Variants in SORBS3 observed in about 807,000 individuals in gnomAD.
SORBS3 encodes sorbin and SH3 domain containing 3, also known as vinexin.
In SORBS3, 69 loss-of-function variants were observed where a neutral mutation model predicts 98.0. The ratio of observed to expected loss-of-function variants is 0.70; its 90% confidence interval spans 0.58 to 0.86. SORBS3 has a LOEUF of 0.86. Among genes scored for constraint, SORBS3 ranks in the 40% least tolerant of loss-of-function variants. The pLI is 0.00. For synonymous variants in SORBS3, 394 were observed against 355.4 expected, an observed-to-expected ratio of 1.11 and a Z score of -1.22; for missense variants, 954 against 908.5, an observed-to-expected ratio of 1.05 and a Z score of -0.64.
At chr8:22,574,184 C>T (rs1840666822) in intron 20 of SORBS3, among the ~76,000 whole-genome samples, 1 of 152,194 alleles carries the variant, frequency 6.6e-6, no homozygotes, top group African/African-American at 2.4e-5. Context: ...CCCCCCTCCT[C>T]CTCTTCAAGA....
chr8:22,569,487 G>A (rs1410171633), intron 17 of SORBS3, among the ~76,000 whole-genome samples: 2 of 151,988 alleles, frequency 1.3e-5, no homozygotes, highest in African/African-American at 2.4e-5. Context: ...CTACAGGCAC[G>A]CGCCACAACA....
At chr8:22,573,649 AG>A (rs1840647485) in intron 20 of SORBS3, among the ~76,000 whole-genome samples, 2 of 111,176 alleles carry the variant, frequency 1.8e-5, no homozygotes, top group African/African-American at 7.0e-5. Context: ...GAGGAAAGGG[AG>A]GTACTCGGGG....
intron 5 of SORBS3, 113 bp downstream of exon 5, chr8:22,558,305 T>C: frequency 1.0e-6 from 1 of 978,750 alleles, no homozygotes; most frequent in South Asian, 1.3e-5. Flanking sequence ...CTTCTCCACC[T>C]TCTCCCAGGC....
rs73672757 is a variant in SORBS3 at position 22,552,486 on chromosome 8, G to A, written c.-56+464G>A. ...CTCCTGACCTGGCTGCCAAGAGAAG[G>A]ACTCGGACCACCCTTCCCTGGAGGT... On this transcript the variant is annotated intron_variant, in intron 1 of 20. Coordinates refer to ENST00000240123, the MANE Select transcript of SORBS3 (RefSeq NM_005775.5). 5.9e-3 allele frequency among the ~76,000 whole-genome samples: 903 copies of A among 152,312 alleles called. 13 individuals are homozygous for A. The highest frequency in any genetic ancestry group is 0.02 in the African/African-American group (844 of 41,570).
chr8:22,554,705 G>A lies in SORBS3; in HGVS notation c.102+97G>A, dbSNP rs1175746642. The A allele has an allele frequency of 1.4e-6, 2 of 1,433,768 alleles. No homozygotes were observed. Among genetic ancestry groups the A allele is most frequent in the African/African-American group, 1.4e-5 (1 of 71,192 alleles). 88.8% of individuals were successfully genotyped at this position (1,433,768 alleles called of 1,614,324 possible). A position where few individuals can be genotyped will look rare whatever the true frequency, so the allele number is the denominator to read the frequency against. ...GGGCAGGAGGATGAAAGGGATGGAG[G>A]GAGGGCTGAAGAGAGCTCTGGGGGG... On this transcript the variant is annotated intron_variant, in intron 2 of 20. Coordinates refer to ENST00000240123, the MANE Select transcript of SORBS3 (RefSeq NM_005775.5). The surrounding 1 kb of genome is among the most constrained non-coding windows in gnomAD (Gnocchi z 6.5).
upstream of SORBS3, among the ~76,000 whole-genome samples, chr8:22,548,548 A>C (rs189945659): frequency 4.1e-4 from 63 of 151,928 alleles, no homozygotes; most frequent in East Asian, 6.2e-3. Context: ...TGAGAGCAAA[A>C]CCCCCCAAAA....
Position 22,572,456 on chromosome 8 carries a change from C to A in SORBS3, c.1954+10C>A. 3.1e-6 allele frequency: 5 copies of A among 1,606,638 alleles called. No homozygotes were observed. The highest frequency in any genetic ancestry group is 4.3e-6 in the Non-Finnish European group (5 of 1,173,722). The stretch of plus-strand genomic sequence containing the variant: ...GATGGCTGGTTTGTGGGTATGTGGG[C>A]AGGCCGGGAGGGGGCATCTCAGGGC... On this transcript the variant is annotated intron_variant, in intron 20 of 20. Transcript: ENST00000240123.
chr8:22,557,665 T>C (rs572489540), intron 4 of SORBS3, among the ~76,000 whole-genome samples: 14 of 151,864 alleles, frequency 9.2e-5, no homozygotes, highest in Non-Finnish European at 1.6e-4. Context: ...AAAATAAAAT[T>C]AGCTAGGCAA....
rs772033135 is a variant in SORBS3 at position 22,570,961 on chromosome 8, C to T, written c.1483C>T (p.Arg495Cys). 29 of 1,612,948 alleles carry T rather than the reference C, an allele frequency of 1.8e-5. No homozygotes were observed. In the Middle Eastern group the frequency reaches 6.6e-4, roughly 37 times the overall value. Residue 495 changes from arginine (R) to cysteine (C), a missense_variant, in exon 18 of 21, where the codon CGC becomes TGC. Physicochemically the swap from Arg to Cys is radical, Grantham distance 180 (BLOSUM62 -3). Coordinates refer to ENST00000240123, the MANE Select transcript of SORBS3 (RefSeq NM_005775.5). ...GGTGAACGAGAACTGGTACGAGGGA[C>T]GCATCACGGGCACGGGGCGCCAAGG... ...RKVNENWYEG[R>C]ITGTGRQGIF...
intron 5 of SORBS3, among the ~76,000 whole-genome samples, chr8:22,559,997 G>A (rs576646194): frequency 6.6e-6 from 1 of 150,506 alleles, no homozygotes; most frequent in African/African-American, 2.4e-5. Flanking sequence ...AACCTGAGAG[G>A]CAGAGGTTGC....
At chr8:22,547,407 A>G (rs1469122385), upstream of SORBS3, among the ~76,000 whole-genome samples, 4 of 152,160 alleles carry the variant, frequency 2.6e-5, no homozygotes, top group East Asian at 1.9e-4. Context: ...TTAATGGTAA[A>G]TGAAGCAGAC....
rs767117190 is a variant in SORBS3, at chr8:22,556,760, C to T, written c.266C>T (p.Ser89Phe). 1.2e-6 allele frequency: 2 copies of T among 1,613,738 alleles called. No individual in the cohort carries two copies. The highest frequency in any genetic ancestry group is 1.3e-5 in the African/African-American group (1 of 74,926). Residue 89 changes from serine to phenylalanine, a missense_variant, in exon 4 of 21, where the codon TCT becomes TTT. Physicochemically the swap from Ser to Phe is radical, Grantham distance 155. Coordinates refer to ENST00000240123, the MANE Select transcript of SORBS3 (RefSeq NM_005775.5). Reference protein sequence around the residue: ...QTWPGPGSKPSASTKIPASQH... With the variant: ...QTWPGPGSKPFASTKIPASQH... ...TGGCCAGGCCCTGGGAGCAAGCCCTCTGCAAGCACAAAGATCCCTGCCTCC... is the reference window on the plus strand; with the variant it reads ...TGGCCAGGCCCTGGGAGCAAGCCCTTTGCAAGCACAAAGATCCCTGCCTCC...
At chr8:22,565,414 C>A in intron 11 of SORBS3, 60 bp downstream of exon 11, 3 of 1,351,308 alleles carry the variant, frequency 2.2e-6, no homozygotes, top group Non-Finnish European at 3.0e-6. Context: ...CGGGGCGAGC[C>A]GGGAGCCTCG....
chr8:22,571,297 C>G (rs1840577830), intron 18 of SORBS3, 76 bp downstream of exon 18: 2 of 820,528 alleles, frequency 2.4e-6, no homozygotes, highest in East Asian at 2.6e-5. Flanking sequence ...CTTGTCCACA[C>G]TTGGGACTCC....
chr8:22,555,074 A>C (rs1840160183), intron 3 of SORBS3, 94 bp downstream of exon 3: 3 of 1,071,418 alleles, frequency 2.8e-6, no homozygotes, highest in South Asian at 2.8e-5. Context: ...CAGCAGCTGG[A>C]GATGGGGTTC....
chr8:22,565,907 TC>T, intron 12 of SORBS3, 35 bp downstream of exon 12: 2 of 1,217,936 alleles, frequency 1.6e-6, no homozygotes, highest in Non-Finnish European at 2.1e-6. Context: ...AAGGGGGCTG[TC>T]CCAGGCCGGG....
Position 22,575,554 on chromosome 8 carries a change from G to A in SORBS3, c.*826G>A, listed in dbSNP as rs1337233990. The A allele has an allele frequency of 1.3e-5, 2 of 152,940 alleles. No homozygotes were observed. Among genetic ancestry groups the A allele is most frequent in the African/African-American group, 4.8e-5 (2 of 41,464 alleles). The allele number at this position is 152,940 out of a possible 1,614,324, so 9.5% of individuals were successfully genotyped here. The stretch of plus-strand genomic sequence containing the variant: ...GATGCCTCCTCCTGTCTAGGAGATG[G>A]GAATTCCTTCTGTGGAGGGCTGTGC... On this transcript the variant is annotated 3_prime_UTR_variant, in exon 21 of 21. Transcript: ENST00000240123.
At position 22,565,349 on chromosome 8, in the gene SORBS3, C is replaced by G; in HGVS notation, c.898C>G (p.Pro300Ala). ...GGCAATTGAGACCCGACTGCCGTCC[C>G]CCAAGGTACCAGCCCCCAGGGTTCA... ...LRAIETRLPSPKSSPAPRRAP... is the reference protein window; with the variant it reads ...LRAIETRLPSAKSSPAPRRAP... Residue 300 changes from proline (P) to alanine (A), a missense_variant, in exon 11 of 21, where the codon CCC (proline) becomes GCC (alanine). By Grantham distance (27) the Pro-to-Ala change is conservative. Transcript: ENST00000240123. 1.9e-6 allele frequency: 3 copies of G among 1,551,748 alleles called. No homozygotes were observed. Among genetic ancestry groups the G allele is most frequent in the Non-Finnish European group, 2.6e-6 (3 of 1,148,088 alleles).
rs762328091 is a variant in SORBS3, at chr8:22,572,458, G to A, written c.1954+12G>A. On this transcript the variant is annotated intron_variant, in intron 20 of 20. Transcript: ENST00000240123. The stretch of plus-strand genomic sequence containing the variant: ...TGGCTGGTTTGTGGGTATGTGGGCA[G>A]GCCGGGAGGGGGCATCTCAGGGCCC... 5 of 1,600,902 alleles carry A rather than the reference G, an allele frequency of 3.1e-6. No individual in the cohort carries two copies. Among genetic ancestry groups the A allele is most frequent in the South Asian group, 2.2e-5 (2 of 90,844 alleles).
Sources: allele counts gnomAD v4.1 joint callset (sites outside exome capture counted in the v4.1 genomes callset), GRCh38; gene constraint gnomAD v4.1.1; non-coding constraint Gnocchi (gnomAD v3.1); transcripts MANE v1.5; gene names NCBI Gene and HGNC (gene_info 2026-07-23, HGNC 2026-07-21).